Variants in MED12L observed in about 807,000 individuals in gnomAD.
MED12L encodes mediator complex subunit 12L.
MED12L carries 60 observed loss-of-function variants against 281.3 expected under a neutral mutation model. The observed-to-expected ratio is 0.21, with a 90% confidence interval of 0.17 to 0.26. MED12L has a LOEUF of 0.26. MED12L is among the 10% of genes least tolerant of loss of function. The pLI is 1.00. For synonymous variants in MED12L, 974 were observed against 987.2 expected (o/e 0.99, Z 0.25); for missense variants, 2,146 against 2,680.9 (o/e 0.80, Z 4.41).
intron 38 of MED12L, among the ~76,000 whole-genome samples, chr3:151,393,530 A>C (rs964432166): frequency 2.1e-5 from 3 of 146,102 alleles, no homozygotes; most frequent in Non-Finnish European, 3.0e-5. Flanking sequence ...CGTAAAGATA[A>C]GCTGTTAATT....
chr3:151,413,347 T>C, intron 42 of MED12L, 52 bp downstream of exon 42: 1 of 1,545,542 alleles, frequency 6.5e-7, no homozygotes, highest in Non-Finnish European at 8.8e-7. Flanking sequence ...ACAGTGCAAA[T>C]ATGCAACAGT....
At chr3:151,201,497 C>A (rs1725587077) in intron 16 of MED12L, among the ~76,000 whole-genome samples, 1 of 152,190 alleles carries the variant, frequency 6.6e-6, no homozygotes, top group African/African-American at 2.4e-5. Context: ...GTAGTCTAAT[C>A]CCCAAGTCAG....
chr3:151,373,319 T>G (rs1273389628), intron 27 of MED12L, among the ~76,000 whole-genome samples: 2 of 152,192 alleles, frequency 1.3e-5, no homozygotes, highest in Admixed American at 1.3e-4. Flanking sequence ...TGATGTCCAT[T>G]TGCACCTCAA....
intron 39 of MED12L, among the ~76,000 whole-genome samples, chr3:151,408,431 G>C (rs1371366123): frequency 1.3e-5 from 2 of 152,016 alleles, no homozygotes; most frequent in Non-Finnish European, 2.9e-5. Context: ...AAAGACAGTA[G>C]TAAAATAATC....
intron 20 of MED12L, among the ~76,000 whole-genome samples, chr3:151,359,760 G>A (rs1452539972): frequency 6.6e-6 from 1 of 152,084 alleles, no homozygotes; most frequent in Non-Finnish European, 1.5e-5. Flanking sequence ...GCTGAGCCCT[G>A]TAACAAAATA....
chr3:151,348,514 GGA>G (rs1027090178), intron 16 of MED12L, among the ~76,000 whole-genome samples: 2 of 151,858 alleles, frequency 1.3e-5, no homozygotes, highest in African/African-American at 4.8e-5. Context: ...TGAAAATTTG[GGA>G]GAGGTACTCA....
At position 151,434,040 on chromosome 3, in the gene MED12L, T is replaced by C. The variant is rs1373477559; in HGVS notation, c.*1236T>C. On this transcript the variant is annotated 3_prime_UTR_variant, in exon 45 of 45. Coordinates refer to ENST00000687756, the MANE Select transcript of MED12L (RefSeq NM_001393769.1). ...ACTTAAGAGTATTCTATATAATATT[T>C]TTTTAGATTTAGATGCATAAAATTT... is the stretch of plus-strand genomic sequence containing the variant. The C allele has an allele frequency of 6.6e-6, 1 of 152,592 alleles. No individual in the cohort carries two copies. The highest frequency in any genetic ancestry group is 1.5e-5 in the Non-Finnish European group (1 of 68,024). The allele number at this position is 152,592 out of a possible 1,614,324, so 9.5% of individuals were successfully genotyped here.
At chr3:151,348,159 T>C (rs1478668251) in intron 16 of MED12L, among the ~76,000 whole-genome samples, 2 of 152,220 alleles carry the variant, frequency 1.3e-5, no homozygotes, top group Admixed American at 1.3e-4. Context: ...TATAAACAGT[T>C]ACTGAATAAC....
At chr3:151,316,274 T>TA (rs2149799258) in intron 16 of MED12L, 1 of 152,368 alleles carries the variant, frequency 6.6e-6, no homozygotes, top group African/African-American at 2.4e-5. Context: ...GAAACAATTA[T>TA]AAGAGACTTT....
rs574640504 is a variant in MED12L at position 151,194,235 on chromosome 3, G to A, written c.2250+569G>A. On this transcript the variant is annotated intron_variant, in intron 16 of 44. Coordinates refer to ENST00000687756, the MANE Select transcript of MED12L (RefSeq NM_001393769.1). ...GTCCGCCTAGGCCTCTCAGAGTGCT[G>A]GGATTACAGGCGTGAGCCACCGTGC... Among the ~76,000 whole-genome samples the A allele has an allele frequency of 1.8e-3, 281 of 152,230 alleles. 1 individual carries two copies. Among genetic ancestry groups the A allele is most frequent in the Non-Finnish European group, 3.6e-3 (245 of 68,012 alleles).
rs1713057828 is a variant in MED12L, at chr3:151,384,862, C to T, written c.4927-168C>T. 3 of 573,920 alleles carry T rather than the reference C, an allele frequency of 5.2e-6. No homozygotes were observed. In the South Asian group the frequency reaches 6.7e-5, roughly 13 times the overall value. The allele number at this position is 573,920 out of a possible 1,614,324, so 35.6% of individuals were successfully genotyped here. On this transcript the variant is annotated intron_variant, in intron 35 of 44. Coordinates refer to ENST00000687756, the MANE Select transcript of MED12L (RefSeq NM_001393769.1). The stretch of plus-strand genomic sequence containing the variant: ...ACTTAAATAGAAGAAATGAAACACT[C>T]ATTGCTCTATTTGGAACTGCCTTGT...
rs917135261 is a variant in MED12L, at chr3:151,257,300, C to T, written c.2250+63634C>T. Among the ~76,000 whole-genome samples the T allele has an allele frequency of 8.5e-5, 13 of 152,166 alleles. No homozygotes were observed. The East Asian group carries it at 1.3e-3, about 16-fold the overall frequency. ...AAATATTTTCAGAACCTTTCCACTG[C>T]GTATTAATCTCTTAGACAGTTGAAA... On this transcript the variant is annotated intron_variant, in intron 16 of 44. Transcript: ENST00000687756.
At chr3:151,391,624 G>C (rs1422771867) in intron 38 of MED12L, among the ~76,000 whole-genome samples, 1 of 152,168 alleles carries the variant, frequency 6.6e-6, no homozygotes, top group African/African-American at 2.4e-5. Context: ...AATGTTTTAA[G>C]AACGTTTACA....
chr3:151,208,016 A>G (rs1726606821), intron 16 of MED12L, among the ~76,000 whole-genome samples: 1 of 152,196 alleles, frequency 6.6e-6, no homozygotes. Context: ...TTTATCTGTC[A>G]TTAACCAGAA....
At chr3:151,101,797 A>T (rs1333993371) in intron 2 of MED12L, among the ~76,000 whole-genome samples, 1 of 152,120 alleles carries the variant, frequency 6.6e-6, no homozygotes, top group Non-Finnish European at 1.5e-5. Context: ...GAGACAGTGG[A>T]GTCGGAGAGG....
intron 16 of MED12L, among the ~76,000 whole-genome samples, chr3:151,340,216 C>T (rs1751635567): frequency 6.6e-6 from 1 of 152,132 alleles, no homozygotes; most frequent in African/African-American, 2.4e-5. Context: ...TAGTTCATCC[C>T]TGACCGTTTT....
At chr3:151,159,256 A>T (rs1306637025) in intron 7 of MED12L, among the ~76,000 whole-genome samples, 1 of 152,168 alleles carries the variant, frequency 6.6e-6, no homozygotes, top group Non-Finnish European at 1.5e-5. Context: ...TCTAGATGAG[A>T]TTTATTTAAA....
intron 9 of MED12L, 51 bp downstream of exon 9, chr3:151,164,093 A>T: frequency 6.3e-7 from 1 of 1,594,578 alleles, no homozygotes; most frequent in South Asian, 1.1e-5. Context: ...CTTGACAGGC[A>T]TCAGGGCACA....
At chr3:151,332,272 T>A (rs1750436265) in intron 16 of MED12L, among the ~76,000 whole-genome samples, 1 of 152,162 alleles carries the variant, frequency 6.6e-6, no homozygotes, top group Admixed American at 6.6e-5. Context: ...TGTGAAAAGA[T>A]GAGGAAGTAT....
Sources: allele counts gnomAD v4.1 joint callset (sites outside exome capture counted in the v4.1 genomes callset), GRCh38; gene constraint gnomAD v4.1.1; transcripts MANE v1.5; gene names NCBI Gene and HGNC (gene_info 2026-07-23, HGNC 2026-07-21).